ITFG1: variants seen among roughly 807,000 people sequenced by gnomAD.
ITFG1 encodes T-cell immunomodulatory protein.
ITFG1 carries 34 observed loss-of-function variants against 81.8 expected under a neutral mutation model. The ratio of observed to expected loss-of-function variants is 0.42; its 90% CI spans 0.32 to 0.55. The LOEUF is 0.55. Ranked by LOEUF, ITFG1 falls within the 20% of genes least tolerant of loss-of-function variation. The probability of loss-of-function intolerance (pLI) is 0.17; values close to 1 mark genes in which losing one functional copy is unlikely to be tolerated. For synonymous variants in ITFG1, 285 were observed against 270.6 expected, an observed-to-expected ratio of 1.05 and a Z score of -0.52; for missense variants, 672 against 755.4, an observed-to-expected ratio of 0.89 and a Z score of 1.29.
At chr16:47,350,286 GA>G (rs1421604492) in intron 8 of ITFG1, among the ~76,000 whole-genome samples, 1 of 152,034 alleles carries the variant, frequency 6.6e-6, no homozygotes, top group East Asian at 1.9e-4. Context: ...CTAGTTTTTT[GA>G]AAAGATCAAC....
intron 7 of ITFG1, among the ~76,000 whole-genome samples, chr16:47,371,881 G>C (rs531762815): frequency 6.6e-6 from 1 of 151,956 alleles, no homozygotes; most frequent in African/African-American, 2.4e-5. Flanking sequence ...CTGACATAAA[G>C]GGTGCCCAAG....
At chr16:47,418,602 T>C (rs1004387837) in intron 6 of ITFG1, among the ~76,000 whole-genome samples, 1 of 152,166 alleles carries the variant, frequency 6.6e-6, no homozygotes, top group African/African-American at 2.4e-5. Context: ...TTCATACTGA[T>C]GTACAGTTTT....
intron 14 of ITFG1, among the ~76,000 whole-genome samples, chr16:47,178,248 A>G (rs1344474048): frequency 6.6e-6 from 1 of 152,236 alleles, no homozygotes; most frequent in Non-Finnish European, 1.5e-5. Flanking sequence ...GGCCTGTTCA[A>G]CTAAGGCACA....
chr16:47,381,499 G>A (rs559682293), intron 6 of ITFG1, among the ~76,000 whole-genome samples: 13 of 152,158 alleles, frequency 8.5e-5, no homozygotes, highest in African/African-American at 1.9e-4. Context: ...TAAAACATTC[G>A]TAGTATTTTC....
At chr16:47,418,558 G>T (rs754763019) in intron 6 of ITFG1, among the ~76,000 whole-genome samples, 1 of 151,974 alleles carries the variant, frequency 6.6e-6, no homozygotes, top group Non-Finnish European at 1.5e-5. Flanking sequence ...TTAATTTTTT[G>T]TATATCATGG....
At chr16:47,380,935 TA>T (rs1968388491) in intron 6 of ITFG1, among the ~76,000 whole-genome samples, 1 of 152,238 alleles carries the variant, frequency 6.6e-6, no homozygotes, top group South Asian at 2.1e-4. Flanking sequence ...TAGATTCATT[TA>T]ACAAGTAAAA....
rs543975508 is a variant in ITFG1, at chr16:47,270,548, C to T, written c.1071-9853G>A. ...TGCATGTTTCAAAAGACATAGCTAC[C>T]CCATTCCTTGGTATTTACAAAGGAA... On this transcript the variant is annotated intron_variant, in intron 10 of 17. Transcript: ENST00000320640. Among the ~76,000 whole-genome samples the T allele has an allele frequency of 8.1e-4, 123 of 152,250 alleles. 1 individual carries two copies. Among genetic ancestry groups the T allele is most frequent in the African/African-American group, 2.8e-3 (116 of 41,552 alleles).
chr16:47,275,005 A>C (rs553584110), intron 10 of ITFG1, among the ~76,000 whole-genome samples: 3 of 152,360 alleles, frequency 2.0e-5, no homozygotes, highest in East Asian at 3.9e-4. Flanking sequence ...AGGGGAGGGA[A>C]GGAATTTCTA....
chr16:47,383,542 C>T (rs7197586), intron 6 of ITFG1, among the ~76,000 whole-genome samples: 17,707 of 152,186 alleles, frequency 0.12, 2,258 homozygotes, highest in African/African-American at 0.32. Flanking sequence ...ACAAGCGCTA[C>T]TATCCAAAAA....
chr16:47,455,545 G>T (rs1038340736), intron 2 of ITFG1, among the ~76,000 whole-genome samples: 10 of 151,760 alleles, frequency 6.6e-5, no homozygotes, highest in Admixed American at 1.3e-4. Context: ...GAGGTGGGTG[G>T]ATCACTTGAG....
chr16:47,428,920 C>T (rs771468716), intron 5 of ITFG1, 22 bp from the exon 6 acceptor site: 4 of 1,417,248 alleles, frequency 2.8e-6, no homozygotes, highest in African/African-American at 1.4e-5. Context: ...AATAAAAATA[C>T]TTTTCTTAAG....
chr16:47,198,470 T>A (rs1965384641), intron 14 of ITFG1, among the ~76,000 whole-genome samples: 3 of 152,254 alleles, frequency 2.0e-5, no homozygotes, highest in Non-Finnish European at 1.5e-5. Context: ...CATACAATTA[T>A]GTACAGTACA....
At chr16:47,230,050 C>G (rs1038688814) in intron 13 of ITFG1, among the ~76,000 whole-genome samples, 11 of 152,000 alleles carry the variant, frequency 7.2e-5, no homozygotes, top group African/African-American at 2.7e-4. Context: ...TAGGTACGTA[C>G]GTGTAGGAAA....
chr16:47,311,519 T>C (rs1431332312), intron 9 of ITFG1, 107 bp from the exon 10 acceptor site: 1 of 777,290 alleles, frequency 1.3e-6, no homozygotes, highest in East Asian at 2.9e-5. Flanking sequence ...ATTATTTTAC[T>C]TAACTTTTTT....
At chr16:47,400,615 A>T (rs1488287824) in intron 6 of ITFG1, among the ~76,000 whole-genome samples, 1 of 152,180 alleles carries the variant, frequency 6.6e-6, no homozygotes, top group African/African-American at 2.4e-5. Flanking sequence ...AGTACACAGA[A>T]TAGTGGTCAT....
chr16:47,286,195 A>C (rs1966868728), intron 10 of ITFG1, among the ~76,000 whole-genome samples: 2 of 152,180 alleles, frequency 1.3e-5, no homozygotes, highest in African/African-American at 4.8e-5. Context: ...CAAAGGCCTC[A>C]ATCTATCCCA....
intron 7 of ITFG1, among the ~76,000 whole-genome samples, chr16:47,371,457 T>C (rs982448198): frequency 1.3e-5 from 2 of 152,158 alleles, no homozygotes; most frequent in Admixed American, 6.5e-5. Flanking sequence ...CCACACCTGT[T>C]GACAGGAAGA....
chr16:47,346,056 C>A (rs1967850614), intron 8 of ITFG1, among the ~76,000 whole-genome samples: 1 of 152,178 alleles, frequency 6.6e-6, no homozygotes, highest in African/African-American at 2.4e-5. Context: ...CATCCAATGG[C>A]AGCAAAATAC....
intron 5 of ITFG1, among the ~76,000 whole-genome samples, chr16:47,437,943 G>A (rs543375757): frequency 6.6e-6 from 1 of 152,212 alleles, no homozygotes; most frequent in Non-Finnish European, 1.5e-5. Context: ...TCAAAGAAAG[G>A]GGTGACAGAT....
Sources: gnomAD v4.1 joint callset for allele counts (sites outside exome capture counted in the v4.1 genomes callset) on GRCh38, gnomAD v4.1.1 for gene constraint, MANE v1.5 for transcripts, NCBI Gene and HGNC (gene_info 2026-07-23, HGNC 2026-07-21) for gene names.